LINGO2: variants seen among roughly 807,000 people sequenced by gnomAD.
LINGO2 encodes the protein leucine rich repeat and Ig domain containing 2.
LINGO2 carries 14 observed loss-of-function variants against 30.6 expected under a neutral mutation model. That is an observed-to-expected ratio of 0.46 (90% CI 0.30 to 0.72). The LOEUF (loss-of-function observed/expected upper bound fraction) is 0.72, where lower values mean the gene tolerates loss of function less well. LINGO2 is among the 30% of genes least tolerant of loss of function. The probability of loss-of-function intolerance (pLI) is 0.07; values close to 1 mark genes in which losing one functional copy is unlikely to be tolerated. For missense variants in LINGO2, 729 were observed against 751.7 expected (o/e 0.97, Z 0.35); for synonymous variants, 317 against 288.5 (o/e 1.10, Z -1.00).
intron 1 of LINGO2, among the ~76,000 whole-genome samples, chr9:28,629,724 C>A (rs558008750): frequency 2.6e-4 from 40 of 151,572 alleles, no homozygotes; most frequent in Non-Finnish European, 5.5e-4. Flanking sequence ...AACTAGAGTA[C>A]AATATAAAAC....
the LINGO2 span, among the ~76,000 whole-genome samples, chr9:29,185,785 AT>A: frequency 6.6e-6 from 1 of 152,204 alleles, no homozygotes; most frequent in Non-Finnish European, 1.5e-5. Context: ...CCCAAAGTAA[AT>A]AATGACTTGC....
chr9:28,374,363 A>G (rs1821038142), intron 2 of LINGO2, among the ~76,000 whole-genome samples: 2 of 151,978 alleles, frequency 1.3e-5, no homozygotes, highest in African/African-American at 4.8e-5. Context: ...TTAAGTGTTT[A>G]TAATATTTTT....
chr9:28,247,565 C>T (rs979573430), intron 4 of LINGO2, among the ~76,000 whole-genome samples: 1 of 151,994 alleles, frequency 6.6e-6, no homozygotes, highest in African/African-American at 2.4e-5. Flanking sequence ...CACATGGACA[C>T]AGGGAGGGGA....
intron 1 of LINGO2, among the ~76,000 whole-genome samples, chr9:28,629,278 T>C (rs1267668006): frequency 6.6e-5 from 10 of 152,096 alleles, no homozygotes; most frequent in Admixed American, 1.3e-4. Context: ...ACTGGACAAT[T>C]TCCAGGGCAC....
the LINGO2 span, among the ~76,000 whole-genome samples, chr9:28,872,830 A>C: frequency 6.6e-6 from 1 of 152,108 alleles, no homozygotes; most frequent in African/African-American, 2.4e-5. Flanking sequence ...CAAAACCAGG[A>C]AGATTTTCCC....
Position 28,241,194 on chromosome 9 carries a change from G to A in LINGO2, c.-87+54014C>T, listed in dbSNP as rs574109384. Among the ~76,000 whole-genome samples the A allele has an allele frequency of 3.1e-3, 471 of 150,212 alleles. 3 individuals carry two copies. Among genetic ancestry groups the A allele is most frequent in the African/African-American group, 0.011 (447 of 40,744 alleles). On this transcript the variant is annotated intron_variant, in intron 4 of 5. Coordinates refer to ENST00000379992, the Ensembl canonical transcript of LINGO2. ...TGAGGCAGGAGAATTGCTTGAACCC[G>A]GGAGGTGGAAACTGCAGTGAGCTGA...
chr9:28,055,618 G>A (rs10968314), intron 4 of LINGO2, among the ~76,000 whole-genome samples: 53,788 of 152,024 alleles, frequency 0.35, 10,897 homozygotes, highest in Non-Finnish European at 0.43. Flanking sequence ...TCTATCATAG[G>A]CTTACATAAA....
the LINGO2 span, among the ~76,000 whole-genome samples, chr9:29,071,627 C>T: frequency 4.6e-5 from 7 of 150,866 alleles, no homozygotes; most frequent in Non-Finnish European, 8.9e-5. Flanking sequence ...CAGGCTGTTA[C>T]TTATATAAGC....
chr9:29,104,756 C>T, the LINGO2 span, among the ~76,000 whole-genome samples: 1 of 152,168 alleles, frequency 6.6e-6, no homozygotes, highest in Non-Finnish European at 1.5e-5. Context: ...TACTCTACAT[C>T]TTAAAAACTT....
intron 3 of LINGO2, among the ~76,000 whole-genome samples, chr9:28,338,305 A>G (rs1825654832): frequency 6.6e-6 from 1 of 152,170 alleles, no homozygotes; most frequent in African/African-American, 2.4e-5. Context: ...GAACAGGTGT[A>G]TTTACCCAAT....
intron 1 of LINGO2, among the ~76,000 whole-genome samples, chr9:28,489,782 C>A (rs1397835730): frequency 2.0e-5 from 3 of 150,618 alleles, no homozygotes; most frequent in Non-Finnish European, 4.4e-5. Context: ...CCTGTAATCT[C>A]AGCTACTCCG....
the LINGO2 span, among the ~76,000 whole-genome samples, chr9:28,675,899 G>GTATATA: frequency 8.8e-5 from 10 of 114,054 alleles, no homozygotes; most frequent in Non-Finnish European, 1.8e-4. Context: ...ATGTGTGTGT[G>GTATATA]TGTATGTATA....
At chr9:29,183,710 T>C in the LINGO2 span, among the ~76,000 whole-genome samples, 3 of 152,050 alleles carry the variant, frequency 2.0e-5, no homozygotes, top group Non-Finnish European at 2.9e-5. Context: ...TCTGCTGCTA[T>C]TCAATGCCAT....
the LINGO2 span, among the ~76,000 whole-genome samples, chr9:29,026,009 G>C: frequency 1.5e-4 from 23 of 152,020 alleles, no homozygotes; most frequent in Admixed American, 3.9e-4. Flanking sequence ...CCATTGTGCA[G>C]AAATTTATAT....
chr9:28,296,834 A>G (rs1262078265), intron 3 of LINGO2, among the ~76,000 whole-genome samples: 1 of 152,150 alleles, frequency 6.6e-6, no homozygotes, highest in African/African-American at 2.4e-5. Flanking sequence ...TATTGATCCA[A>G]GTTGTGGTAC....
chr9:28,110,156 A>G (rs1196311888), intron 4 of LINGO2, among the ~76,000 whole-genome samples: 6 of 152,214 alleles, frequency 3.9e-5, no homozygotes, highest in African/African-American at 1.4e-4. Flanking sequence ...AAATTTCCCT[A>G]TTTAATAAAT....
At chr9:28,055,870 G>T (rs146710402) in intron 4 of LINGO2, among the ~76,000 whole-genome samples, 77 of 152,086 alleles carry the variant, frequency 5.1e-4, no homozygotes, top group African/African-American at 1.5e-3. Context: ...TTCGAAGGAG[G>T]CATTTGGCAA....
chr9:27,977,476 AT>A (rs761299952), intron 5 of LINGO2, among the ~76,000 whole-genome samples: 8 of 151,978 alleles, frequency 5.3e-5, no homozygotes, highest in Non-Finnish European at 1.2e-4. Context: ...ACTTCTCCAG[AT>A]TACGACGACT....
the LINGO2 span, among the ~76,000 whole-genome samples, chr9:29,100,363 G>A: frequency 2.6e-5 from 4 of 151,832 alleles, no homozygotes; most frequent in Admixed American, 1.3e-4. Flanking sequence ...TTCAGAGGCC[G>A]AGGCAGGCAG....
Sources: gnomAD v4.1 joint callset for allele counts (sites outside exome capture counted in the v4.1 genomes callset) on GRCh38, gnomAD v4.1.1 for gene constraint, MANE v1.5 for transcripts, NCBI Gene and HGNC (gene_info 2026-07-23, HGNC 2026-07-21) for gene names.